The following MTDH variants were observed in gnomAD, a reference collection of about 807,000 sequenced individuals.
MTDH encodes the protein protein LYRIC.
Under a neutral mutation model 72.7 loss-of-function variants are expected in MTDH, and 34 were observed. The ratio of observed to expected loss-of-function variants is 0.47; its 90% confidence interval spans 0.36 to 0.62. The LOEUF is 0.62. Ranked by LOEUF, MTDH falls within the 20% of genes least tolerant of loss-of-function variation. The probability of loss-of-function intolerance (pLI) is 0.00; values close to 1 mark genes in which losing one functional copy is unlikely to be tolerated. For synonymous variants in MTDH, 266 were observed against 268.9 expected, an observed-to-expected ratio of 0.99 and a Z score of 0.10; for missense variants, 677 against 699.4, an observed-to-expected ratio of 0.97 and a Z score of 0.36.
chr8:97,710,456 G>A (rs1195625930), intron 8 of MTDH, among the ~76,000 whole-genome samples: 11 of 152,046 alleles, frequency 7.2e-5, no homozygotes, highest in African/African-American at 2.4e-4. Flanking sequence ...TTGGGAGGCC[G>A]AGGTGGGCGG....
intron 2 of MTDH, among the ~76,000 whole-genome samples, chr8:97,682,239 T>C (rs1813116233): frequency 7.4e-4 from 2 of 2,706 alleles, no homozygotes; most frequent in Non-Finnish European, 8.2e-4. Flanking sequence ...TTTATATATA[T>C]ATATATATAT....
intron 1 of MTDH, among the ~76,000 whole-genome samples, chr8:97,658,317 T>C (rs1039347246): frequency 6.6e-6 from 1 of 152,236 alleles, no homozygotes; most frequent in East Asian, 1.9e-4. Flanking sequence ...TGAGCACCTT[T>C]GGCTTGCTGA....
chr8:97,694,528 C>A (rs568819059), intron 6 of MTDH, among the ~76,000 whole-genome samples: 9 of 152,288 alleles, frequency 5.9e-5, no homozygotes, highest in African/African-American at 2.2e-4. Context: ...CCTCAAAAAT[C>A]AAACACCAGA....
At position 97,691,175 on chromosome 8, in the gene MTDH, A is replaced by G. The variant is rs931649908; in HGVS notation, c.1035A>G (p.Ile345Met). ...GAAGGAGTTGGAGTGACCGTTCAATATTTTCTGGCATTGGTAAGAAGTGTT... is the reference window on the plus strand; with the variant it reads ...GAAGGAGTTGGAGTGACCGTTCAATGTTTTCTGGCATTGGTAAGAAGTGTT... ...DWGRSWSDRS[I>M]FSGIGSTAEP... The change falls in exon 6 of 12, where the codon ATA (isoleucine) becomes ATG (methionine). Residue 345 changes from isoleucine to methionine, a missense_variant. Around this residue, in one of 3 missense-constraint regions of MTDH, gnomAD observed 467 missense variants for 469.1 expected, o/e 1.00. Transcript: ENST00000336273. 6 of 1,595,404 alleles carry G rather than the reference A, an allele frequency of 3.8e-6. No homozygotes were observed. Among genetic ancestry groups the G allele is most frequent in the Non-Finnish European group, 5.1e-6 (6 of 1,169,620 alleles).
chr8:97,683,310 G>C (rs545212150), intron 2 of MTDH, among the ~76,000 whole-genome samples: 2 of 151,718 alleles, frequency 1.3e-5, no homozygotes, highest in Admixed American at 6.6e-5. Flanking sequence ...GGATCTGCCC[G>C]CCTCAGCCTC....
chr8:97,693,606 G>A (rs1256807105), intron 6 of MTDH, among the ~76,000 whole-genome samples: 3 of 152,178 alleles, frequency 2.0e-5, no homozygotes, highest in Non-Finnish European at 2.9e-5. Flanking sequence ...GATGACAGGC[G>A]TGAGCCACCA....
At chr8:97,666,266 G>T (rs922219351) in intron 2 of MTDH, among the ~76,000 whole-genome samples, 2 of 152,122 alleles carry the variant, frequency 1.3e-5, no homozygotes, top group Non-Finnish European at 2.9e-5. Context: ...ACTAAACCCT[G>T]ATATCATTTA....
intron 2 of MTDH, among the ~76,000 whole-genome samples, chr8:97,682,264 A>G (rs1221375082): frequency 9.2e-3 from 52 of 5,642 alleles, no homozygotes; most frequent in African/African-American, 0.036. Flanking sequence ...ATATATATAT[A>G]TATATATATA....
intron 6 of MTDH, among the ~76,000 whole-genome samples, chr8:97,694,420 C>T (rs1813742733): frequency 6.6e-6 from 1 of 152,092 alleles, no homozygotes; most frequent in African/African-American, 2.4e-5. Flanking sequence ...TGGTCTCGAA[C>T]TCCCAGTCTC....
Position 97,723,036 on chromosome 8 carries a change from G to T in MTDH, c.1678+1G>T, listed in dbSNP as rs1444521350. 1 of 1,612,278 alleles carries T rather than the reference G, an allele frequency of 6.2e-7. No individual in the cohort carries two copies. The highest frequency in any genetic ancestry group is 1.7e-5 in the Admixed American group (1 of 59,564). ...CAAAATAGTGTGCCTCCTTCACAGA[G>T]TAAGTAATCCTCATTTTTTGTTCCT... On this transcript the variant is annotated splice_donor_variant, in intron 11 of 11. Coordinates refer to ENST00000336273, the MANE Select transcript of MTDH (RefSeq NM_178812.4). LOFTEE classifies it high-confidence loss of function.
At chr8:97,687,877 G>C (rs1230964971) in intron 4 of MTDH, among the ~76,000 whole-genome samples, 1 of 152,124 alleles carries the variant, frequency 6.6e-6, no homozygotes, top group Admixed American at 6.6e-5. Flanking sequence ...CACTTTTCTA[G>C]TGCGTATCAC....
chr8:97,666,610 C>G (rs1563530151), intron 2 of MTDH, among the ~76,000 whole-genome samples: 1 of 152,198 alleles, frequency 6.6e-6, no homozygotes, highest in Non-Finnish European at 1.5e-5. Context: ...TTGATGCTTG[C>G]ACTGATGGTG....
At chr8:97,705,391 A>C (rs1814310083) in intron 7 of MTDH, among the ~76,000 whole-genome samples, 1 of 149,242 alleles carries the variant, frequency 6.7e-6, no homozygotes, top group Admixed American at 6.7e-5. Context: ...CACGAGATCA[A>C]GAGTTCGAGA....
At chr8:97,708,097 A>AGCT (rs1814438412) in intron 8 of MTDH, among the ~76,000 whole-genome samples, 1 of 150,908 alleles carries the variant, frequency 6.6e-6, no homozygotes, top group South Asian at 2.1e-4. Context: ...GCCTCCCAGT[A>AGCT]GCTGGGATTA....
In MTDH at chr8:97,644,387, A is replaced by C; in HGVS notation, c.-120A>C. 1 of 1,339,890 alleles carries C rather than the reference A, an allele frequency of 7.5e-7. No homozygotes were observed. The highest frequency in any genetic ancestry group is 1.5e-5 in the South Asian group (1 of 68,494). 83.0% of individuals were successfully genotyped at this position (1,339,890 alleles called of 1,614,324 possible). On this transcript the variant is annotated 5_prime_UTR_variant, in exon 1 of 12. Transcript: ENST00000336273. ...CCGATCCCCGGCTCCGGCGCGAGGGACGGCCGCGATGCGCTCGGCCTGAGG... is the reference window on the plus strand; with the variant it reads ...CCGATCCCCGGCTCCGGCGCGAGGGCCGGCCGCGATGCGCTCGGCCTGAGG...
intron 6 of MTDH, among the ~76,000 whole-genome samples, chr8:97,697,150 A>ATATTT: frequency 4.4e-5 from 3 of 68,776 alleles, no homozygotes; most frequent in Non-Finnish European, 7.4e-5. Flanking sequence ...ATATATATAT[A>ATATTT]TTTTTTTTTT....
At chr8:97,656,674 A>G (rs1020348988) in intron 1 of MTDH, among the ~76,000 whole-genome samples, 4 of 151,692 alleles carry the variant, frequency 2.6e-5, no homozygotes, top group Non-Finnish European at 4.4e-5. Flanking sequence ...CCTTGTTCCT[A>G]CAGTCCTTAG....
intron 1 of MTDH, among the ~76,000 whole-genome samples, chr8:97,645,611 A>T (rs1811536868): frequency 6.6e-6 from 1 of 152,176 alleles, no homozygotes; most frequent in African/African-American, 2.4e-5. Flanking sequence ...TGTGAAATAG[A>T]GTAAAGGGAG....
chr8:97,695,678 A>G (rs1813808409), intron 6 of MTDH, among the ~76,000 whole-genome samples: 2 of 152,204 alleles, frequency 1.3e-5, no homozygotes, highest in Admixed American at 1.3e-4. Flanking sequence ...GTAGCATGGT[A>G]TAGAGGAGTG....
Sources: gnomAD v4.1 joint callset for allele counts (sites outside exome capture counted in the v4.1 genomes callset) on GRCh38, gnomAD v4.1.1 for gene constraint, gnomAD v4.1.1 regional missense constraint, MANE v1.5 for transcripts, NCBI Gene and HGNC (gene_info 2026-07-23, HGNC 2026-07-21) for gene names.